SAP130: variants seen among roughly 807,000 people sequenced by gnomAD.
SAP130 encodes the protein histone deacetylase complex subunit SAP130.
In SAP130, 16 loss-of-function variants were observed where a neutral mutation model predicts 103.2. The observed-to-expected ratio is 0.16, with a 90% CI of 0.10 to 0.24. SAP130 has a LOEUF of 0.24. Ranked by LOEUF, SAP130 falls within the 10% of genes least tolerant of loss-of-function variation. The probability of loss-of-function intolerance (pLI) is 1.00; values close to 1 mark genes in which losing one functional copy is unlikely to be tolerated. For missense variants in SAP130, 990 were observed against 1,359.7 expected (o/e 0.73, Z 4.28); for synonymous variants, 477 against 497.0 (o/e 0.96, Z 0.53).
intron 15 of SAP130, among the ~76,000 whole-genome samples, chr2:127,976,835 G>A (rs1206545715): frequency 6.6e-6 from 1 of 152,138 alleles, no homozygotes; most frequent in African/African-American, 2.4e-5. Flanking sequence ...ACTTGAACCT[G>A]GGAGGCGGAG....
At chr2:127,999,591 G>C in intron 10 of SAP130, 150 bp downstream of exon 10, 3 of 431,676 alleles carry the variant, frequency 6.9e-6, no homozygotes, top group Non-Finnish European at 1.2e-5. Context: ...GCAACAGAGT[G>C]AGACTTAAGG....
chr2:127,942,791 C>A lies in SAP130; in HGVS notation c.2902-254G>T, dbSNP rs1257913517. On this transcript the variant is annotated intron_variant, in intron 19 of 20. Coordinates refer to ENST00000643581, the MANE Select transcript of SAP130 (RefSeq NM_001330301.2). This position sits in a 1 kb window ranked among gnomAD's most constrained non-coding sequence, Gnocchi z 4.8. ...ATCACCTGAGGTCCAGAGTTTGAGA[C>A]CAGCCTGACCAACAAGGTGAAACGC... 6.6e-6 allele frequency among the ~76,000 whole-genome samples: 1 copy of A among 152,104 alleles called. No individual in the cohort carries two copies. The highest frequency in any genetic ancestry group is 2.4e-5 in the African/African-American group (1 of 41,404).
intron 2 of SAP130, among the ~76,000 whole-genome samples, chr2:128,020,189 A>G (rs1340013846): frequency 2.0e-5 from 3 of 152,170 alleles, no homozygotes; most frequent in Non-Finnish European, 2.9e-5. Flanking sequence ...TTTCATAAAG[A>G]TAAGTGCACA....
chr2:127,980,080 T>C (rs1034680093), intron 14 of SAP130, among the ~76,000 whole-genome samples: 18 of 152,086 alleles, frequency 1.2e-4, no homozygotes, highest in Admixed American at 6.6e-4. Flanking sequence ...GGTTTCACCA[T>C]GTTGGCCAGG....
intron 18 of SAP130, among the ~76,000 whole-genome samples, chr2:127,945,882 G>A (rs1344939555): frequency 6.6e-6 from 1 of 152,132 alleles, no homozygotes; most frequent in Non-Finnish European, 1.5e-5. Flanking sequence ...TGAACTCCTG[G>A]GCTCAAGCAA....
intron 7 of SAP130, among the ~76,000 whole-genome samples, chr2:128,001,368 T>TC (rs1177542214): frequency 6.6e-6 from 1 of 152,176 alleles, no homozygotes; most frequent in Non-Finnish European, 1.5e-5. Context: ...AGACCCTGTC[T>TC]CCAATAAAAT....
At position 128,014,788 on chromosome 2, in the gene SAP130, CTTGCAAG is replaced by C. The variant is rs761391793; in HGVS notation, c.619+8_619+14del. On this transcript the variant is annotated splice_region_variant and intron_variant, in intron 5 of 20. Coordinates refer to ENST00000643581, the MANE Select transcript of SAP130 (RefSeq NM_001330301.2). ...CTACATTTTGAGAGTTTGAACAAAA[CTTGCAAG>C]TCGTTACCTCGAGGTAAATGAGAAG... is the stretch of plus-strand genomic sequence containing the variant. 6.3e-7 allele frequency: 1 copy of C among 1,579,386 alleles called. No homozygotes were observed. Among genetic ancestry groups the C allele is most frequent in the East Asian group, 2.2e-5 (1 of 44,698 alleles).
At chr2:127,977,017 A>AAAAC (rs751886964) in intron 15 of SAP130, among the ~76,000 whole-genome samples, 2 of 152,236 alleles carry the variant, frequency 1.3e-5, no homozygotes, top group Non-Finnish European at 2.9e-5. Flanking sequence ...TCTACAGGAA[A>AAAAC]AAACAAACAA....
intron 15 of SAP130, among the ~76,000 whole-genome samples, chr2:127,967,700 C>A (rs1211209955): frequency 6.6e-6 from 1 of 151,998 alleles, no homozygotes; most frequent in Non-Finnish European, 1.5e-5. Context: ...CCGGCCATAG[C>A]TGGAGATTTC....
chr2:127,984,608 C>T (rs1682238418), intron 14 of SAP130, among the ~76,000 whole-genome samples: 1 of 152,092 alleles, frequency 6.6e-6, no homozygotes, highest in South Asian at 2.1e-4. Flanking sequence ...GGATAGACTC[C>T]CCAGAAGGAA....
intron 11 of SAP130, among the ~76,000 whole-genome samples, chr2:127,995,221 T>A (rs915890481): frequency 3.9e-4 from 60 of 152,238 alleles, no homozygotes; most frequent in African/African-American, 1.4e-3. Flanking sequence ...CAAGCAGGGC[T>A]AATGCCCAGA....
chr2:127,962,898 A>G (rs1680361507), intron 15 of SAP130, among the ~76,000 whole-genome samples: 1 of 152,056 alleles, frequency 6.6e-6, no homozygotes, highest in Non-Finnish European at 1.5e-5. Context: ...ATTAAAAAAA[A>G]AAAAGATGAC....
intron 7 of SAP130, 140 bp downstream of exon 7, chr2:128,010,129 C>T: frequency 2.5e-6 from 2 of 800,020 alleles, no homozygotes; most frequent in Non-Finnish European, 3.5e-6. Context: ...GCTTTAGCCC[C>T]AGGATTTAGA....
chr2:127,966,796 T>C (rs914727591), intron 15 of SAP130, among the ~76,000 whole-genome samples: 1 of 152,222 alleles, frequency 6.6e-6, no homozygotes. Context: ...CTTTGCTTGA[T>C]AAATCTTTTG....
intron 15 of SAP130, among the ~76,000 whole-genome samples, chr2:127,976,859 C>G (rs1681497073): frequency 6.6e-6 from 1 of 152,034 alleles, no homozygotes; most frequent in African/African-American, 2.4e-5. Flanking sequence ...GCAGTGAGGG[C>G]CACTGCACTC....
chr2:128,018,808 A>G (rs1403578323), intron 2 of SAP130, among the ~76,000 whole-genome samples: 1 of 151,938 alleles, frequency 6.6e-6, no homozygotes, highest in Admixed American at 6.6e-5. Context: ...AAAAAAAAAA[A>G]AAAAGGTGGT....
In SAP130 at chr2:127,949,788, T is replaced by C. The variant is rs1195589590; in HGVS notation, c.2797+81A>G. The C allele has an allele frequency of 2.8e-6, 4 of 1,427,772 alleles. No homozygotes were observed. The African/African-American group carries it at 5.8e-5, about 21-fold the overall frequency. The allele number at this position is 1,427,772 out of a possible 1,614,324, so 88.4% of individuals were successfully genotyped here. A position where few individuals can be genotyped will look rare whatever the true frequency, so the allele number is the denominator to read the frequency against. On this transcript the variant is annotated intron_variant, in intron 18 of 20. Transcript: ENST00000643581. ...TGGTTTTTTTGAAACCGGAAAATTGTGGTTCTGTTTTTCTCTTCTATTTTA... is the reference window on the plus strand; with the variant it reads ...TGGTTTTTTTGAAACCGGAAAATTGCGGTTCTGTTTTTCTCTTCTATTTTA...
At chr2:127,987,242 T>A (rs1020719065) in intron 13 of SAP130, among the ~76,000 whole-genome samples, 2 of 152,206 alleles carry the variant, frequency 1.3e-5, no homozygotes, top group Non-Finnish European at 2.9e-5. Context: ...TGGAATACAG[T>A]GGTGCAATCT....
chr2:128,001,268 G>A (rs950578942), intron 7 of SAP130, among the ~76,000 whole-genome samples: 19 of 152,150 alleles, frequency 1.2e-4, no homozygotes, highest in Non-Finnish European at 2.4e-4. Context: ...GGCCACAGGC[G>A]GCAGCTCACA....
Sources: allele counts gnomAD v4.1 joint callset (sites outside exome capture counted in the v4.1 genomes callset), GRCh38; gene constraint gnomAD v4.1.1; non-coding constraint Gnocchi (gnomAD v3.1); transcripts MANE v1.5; gene names NCBI Gene and HGNC (gene_info 2026-07-23, HGNC 2026-07-21).